COG5: variants seen among roughly 807,000 people sequenced by gnomAD.
COG5 encodes the protein component of oligomeric golgi complex 5, also known as conserved oligomeric Golgi complex subunit 5.
A neutral mutation model predicts 110.4 loss-of-function variants in COG5; 86 were observed. The ratio of observed to expected loss-of-function variants is 0.78; its 90% CI spans 0.65 to 0.93. COG5 has a LOEUF of 0.93. COG5 is among the 40% of genes least tolerant of loss of function. The pLI is 0.00. For missense variants in COG5, 1,077 were observed against 987.0 expected, an observed-to-expected ratio of 1.09 and a Z score of -1.22; for synonymous variants, 360 against 334.6, an observed-to-expected ratio of 1.08 and a Z score of -0.83.
chr7:107,316,877 G>C (rs1808813802), intron 11 of COG5, among the ~76,000 whole-genome samples: 2 of 151,756 alleles, frequency 1.3e-5, no homozygotes, highest in African/African-American at 4.8e-5. Flanking sequence ...CAAGTAAATG[G>C]CAGTATCACT....
chr7:107,380,268 G>C (rs1253033895), intron 7 of COG5, among the ~76,000 whole-genome samples: 2 of 151,988 alleles, frequency 1.3e-5, no homozygotes, highest in Non-Finnish European at 2.9e-5. Context: ...AGAAGCAAGA[G>C]CAAACAAATT....
intron 6 of COG5, among the ~76,000 whole-genome samples, chr7:107,449,827 C>A (rs1444881704): frequency 2.0e-5 from 3 of 152,134 alleles, no homozygotes; most frequent in African/African-American, 7.2e-5. Context: ...TACAGCAGCA[C>A]TTTTTGCAAA....
Position 107,203,469 on chromosome 7 carries a change from T to C in COG5, c.*47A>G. ...TTGGAGTATGTGTTTAACTGCCAACTATGAATGGGTTAGCACAAAGTGGAG... is the reference window on the plus strand; with the variant it reads ...TTGGAGTATGTGTTTAACTGCCAACCATGAATGGGTTAGCACAAAGTGGAG... On this transcript the variant is annotated 3_prime_UTR_variant, in exon 22 of 22. Transcript: ENST00000297135. 7.8e-7 allele frequency: 1 copy of C among 1,286,430 alleles called. No individual in the cohort carries two copies. 79.7% of individuals were successfully genotyped at this position (1,286,430 alleles called of 1,614,324 possible). A position where few individuals can be genotyped will look rare whatever the true frequency, so the allele number is the denominator to read the frequency against.
chr7:107,363,903 C>T (rs983228827), intron 8 of COG5, among the ~76,000 whole-genome samples: 2 of 150,556 alleles, frequency 1.3e-5, no homozygotes, highest in African/African-American at 2.4e-5. Flanking sequence ...TACAATGAGC[C>T]GAGATCGTAC....
chr7:107,512,340 G>C (rs1394578362), intron 6 of COG5, among the ~76,000 whole-genome samples: 1 of 152,114 alleles, frequency 6.6e-6, no homozygotes, highest in Non-Finnish European at 1.5e-5. Context: ...AACTTACAAG[G>C]GATGTGAAGG....
intron 6 of COG5, among the ~76,000 whole-genome samples, chr7:107,436,006 T>C (rs1004622639): frequency 1.3e-5 from 2 of 152,174 alleles, no homozygotes; most frequent in Non-Finnish European, 2.9e-5. Flanking sequence ...ATGGATGAAC[T>C]TGGAGGATAT....
intron 6 of COG5, among the ~76,000 whole-genome samples, chr7:107,518,752 G>A (rs910954779): frequency 2.0e-5 from 3 of 152,218 alleles, no homozygotes; most frequent in South Asian, 2.1e-4. Flanking sequence ...ACAGATCAAC[G>A]GGACAGAAAA....
chr7:107,448,701 G>A (rs1795153799), intron 6 of COG5, among the ~76,000 whole-genome samples: 1 of 152,078 alleles, frequency 6.6e-6, no homozygotes, highest in Non-Finnish European at 1.5e-5. Context: ...ACATGTCCCA[G>A]AGTACAGTTG....
Position 107,248,485 on chromosome 7 carries a change from A to G in COG5, c.1764T>C (p.Leu588=). ...GTAAGGGTTGCACAGCATTTTCCAT[A>G]AGAGCATGAATAGCCTAAAAAAAAA... ...IISALKAIHA[L]MENAVQPLLT... Residue 588 remains leucine (L), a synonymous_variant, in exon 17 of 22, where the codon CTT becomes CTC. Coordinates refer to ENST00000297135, the MANE Select transcript of COG5 (RefSeq NM_006348.5). 2 of 1,605,760 alleles carry G rather than the reference A, an allele frequency of 1.2e-6. No homozygotes were observed. The highest frequency in any genetic ancestry group is 1.7e-5 in the Admixed American group (1 of 59,950).
intron 6 of COG5, among the ~76,000 whole-genome samples, chr7:107,467,149 A>C (rs1449789350): frequency 1.3e-5 from 2 of 152,348 alleles, no homozygotes; most frequent in East Asian, 3.9e-4. Flanking sequence ...TATAACTAAA[A>C]AGAAAAGCAC....
At position 107,300,910 on chromosome 7, in the gene COG5, A is replaced by C. The variant is rs74918013; in HGVS notation, c.1109-2564T>G. Among the ~76,000 whole-genome samples, 968 of 152,242 alleles carry C rather than the reference A, an allele frequency of 6.4e-3. 16 individuals are homozygous for C. The highest frequency in any genetic ancestry group is 0.022 in the African/African-American group (922 of 41,564). On this transcript the variant is annotated intron_variant, in intron 11 of 21. Coordinates refer to ENST00000297135, the MANE Select transcript of COG5 (RefSeq NM_006348.5). ...TACAACCTGATTTCAAGACATATAA[A>C]ACTATAATAATTAATACACTAGTAC...
chr7:107,270,758 AAATT>A (rs1277296828), intron 14 of COG5, among the ~76,000 whole-genome samples: 5 of 152,076 alleles, frequency 3.3e-5, no homozygotes, highest in East Asian at 1.9e-4. Context: ...CTGTTTGGTA[AAATT>A]AATTGTTTAC....
chr7:107,356,302 T>A (rs1191320175), intron 10 of COG5, among the ~76,000 whole-genome samples: 2 of 152,226 alleles, frequency 1.3e-5, no homozygotes, highest in Non-Finnish European at 2.9e-5. Context: ...TTTTCCTACT[T>A]GATATGGAAT....
At chr7:107,451,101 C>A (rs979504927) in intron 6 of COG5, among the ~76,000 whole-genome samples, 34 of 152,142 alleles carry the variant, frequency 2.2e-4, no homozygotes, top group African/African-American at 8.2e-4. Context: ...ACTGAACATG[C>A]CATCGCTGTT....
At chr7:107,511,685 A>C (rs182956129) in intron 6 of COG5, among the ~76,000 whole-genome samples, 44 of 152,352 alleles carry the variant, frequency 2.9e-4, no homozygotes, top group African/African-American at 9.1e-4. Context: ...CACATCAAAA[A>C]GCTTATCTAC....
In COG5 at chr7:107,451,002, A is replaced by ATAT. The variant is rs1353701769; in HGVS notation, c.539-38371_539-38370insATA. ...GTGATAAGGACCTTTAAGGCTCATTACATATGGTACTCTATGGAAAGGGCT... is the reference window on the plus strand; with the variant it reads ...GTGATAAGGACCTTTAAGGCTCATTATATCATATGGTACTCTATGGAAAGGGCT... On this transcript the variant is annotated intron_variant, in intron 6 of 21. Transcript: ENST00000297135. Among the ~76,000 whole-genome samples, 4 of 152,334 alleles carry ATAT rather than the reference A, an allele frequency of 2.6e-5. No homozygotes were observed. In the South Asian group the frequency reaches 8.3e-4, roughly 32 times the overall value.
chr7:107,357,329 G>A (rs958041255), intron 10 of COG5, among the ~76,000 whole-genome samples: 1 of 152,022 alleles, frequency 6.6e-6, no homozygotes, highest in East Asian at 1.9e-4. Context: ...AGAGGGAAAC[G>A]TCATTTTGGA....
At chr7:107,322,766 T>C (rs1397983657) in intron 11 of COG5, among the ~76,000 whole-genome samples, 13 of 152,180 alleles carry the variant, frequency 8.5e-5, no homozygotes, top group Non-Finnish European at 1.6e-4. Flanking sequence ...ACAAAAGAGA[T>C]ATATGTATGT....
At chr7:107,515,383 A>T (rs995747338) in intron 6 of COG5, among the ~76,000 whole-genome samples, 2 of 152,204 alleles carry the variant, frequency 1.3e-5, no homozygotes, top group African/African-American at 4.8e-5. Context: ...AAAAGATACA[A>T]AGTTTATCAC....
Sources: allele counts gnomAD v4.1 joint callset (sites outside exome capture counted in the v4.1 genomes callset), GRCh38; gene constraint gnomAD v4.1.1; transcripts MANE v1.5; gene names NCBI Gene and HGNC (gene_info 2026-07-23, HGNC 2026-07-21).